Variants in DLG2 observed in about 807,000 individuals in gnomAD.
The protein encoded by DLG2 is discs large MAGUK scaffold protein 2, also known as disks large homolog 2.
Under a neutral mutation model 132.5 loss-of-function variants are expected in DLG2, and 45 were observed. The observed-to-expected ratio is 0.34, with a 90% CI of 0.27 to 0.44. DLG2 has a LOEUF of 0.44. DLG2 is among the 20% of genes least tolerant of loss of function. DLG2 has a pLI of 1.00. For synonymous variants in DLG2, 424 were observed against 419.6 expected, an observed-to-expected ratio of 1.01 and a Z score of -0.13; for missense variants, 1,045 against 1,196.9, an observed-to-expected ratio of 0.87 and a Z score of 1.87.
At chr11:84,090,023 T>C (rs2097061385) in intron 10 of DLG2, among the ~76,000 whole-genome samples, 1 of 152,206 alleles carries the variant, frequency 6.6e-6, no homozygotes, top group Non-Finnish European at 1.5e-5. Flanking sequence ...ATAATTCAAA[T>C]ACAAGTGAAG....
chr11:84,649,474 C>T (rs1940067), intron 6 of DLG2, among the ~76,000 whole-genome samples: 57,363 of 151,900 alleles, frequency 0.38, 12,195 homozygotes, highest in African/African-American at 0.57. Context: ...TGGAGAGAAA[C>T]TCATGAATTA....
chr11:85,210,362 C>G (rs950794442), intron 4 of DLG2, among the ~76,000 whole-genome samples: 13 of 152,094 alleles, frequency 8.5e-5, no homozygotes, highest in Non-Finnish European at 1.6e-4. Flanking sequence ...ACATCCTCTC[C>G]CTCAGAGCCT....
intron 3 of DLG2, among the ~76,000 whole-genome samples, chr11:85,509,131 G>C (rs973167223): frequency 6.6e-6 from 1 of 151,960 alleles, no homozygotes; most frequent in Admixed American, 6.6e-5. Flanking sequence ...ATTTCGCAGT[G>C]AGTTTTAGGA....
At chr11:84,617,770 C>G (rs988104061) in intron 6 of DLG2, among the ~76,000 whole-genome samples, 1 of 151,990 alleles carries the variant, frequency 6.6e-6, no homozygotes, top group African/African-American at 2.4e-5. Flanking sequence ...AATGGGTACA[C>G]TACGAAGAAG....
chr11:85,620,880 G>A (rs1274984760), intron 2 of DLG2, among the ~76,000 whole-genome samples: 5 of 152,244 alleles, frequency 3.3e-5, no homozygotes, highest in Non-Finnish European at 7.3e-5. Context: ...AGATCTAGCT[G>A]AGATAATTGA....
chr11:85,232,663 T>C (rs774293615), intron 4 of DLG2, among the ~76,000 whole-genome samples: 31 of 151,906 alleles, frequency 2.0e-4, no homozygotes, highest in Non-Finnish European at 4.0e-4. Flanking sequence ...TTCCTAATAC[T>C]CAAGGGATAA....
chr11:83,912,015 T>A (rs1026187851), intron 15 of DLG2, among the ~76,000 whole-genome samples: 7 of 151,594 alleles, frequency 4.6e-5, no homozygotes, highest in Non-Finnish European at 5.9e-5. Context: ...CAGCAACAAA[T>A]AAAACACAAG....
At chr11:84,255,514 C>A (rs2097453997) in intron 7 of DLG2, among the ~76,000 whole-genome samples, 1 of 151,868 alleles carries the variant, frequency 6.6e-6, no homozygotes, top group Admixed American at 6.6e-5. Context: ...AGTAGAGATG[C>A]AGTTTTGCCA....
At chr11:85,427,966 A>G (rs531089160) in intron 3 of DLG2, among the ~76,000 whole-genome samples, 22 of 152,066 alleles carry the variant, frequency 1.4e-4, no homozygotes, top group African/African-American at 4.8e-4. Context: ...AAAAAGGCAG[A>G]GGTTGCAATC....
At chr11:84,874,838 T>C (rs1251646802) in intron 6 of DLG2, among the ~76,000 whole-genome samples, 2 of 152,036 alleles carry the variant, frequency 1.3e-5, no homozygotes, top group African/African-American at 4.8e-5. Context: ...CTAGCCAATA[T>C]GGTGAAACCC....
Position 84,535,508 on chromosome 11 carries a change from A to G in DLG2, c.358-777T>C, listed in dbSNP as rs1431221985. Among the ~76,000 whole-genome samples, 4 of 152,286 alleles carry G rather than the reference A, an allele frequency of 2.6e-5. No individual in the cohort carries two copies. The East Asian group carries it at 5.8e-4, about 22-fold the overall frequency. On this transcript the variant is annotated intron_variant, in intron 6 of 27. Transcript: ENST00000376104. ...TTGCTTACACATGACTGTACCAGTA[A>G]AGATTATTGTTTGAGTCTTCCAAAC...
chr11:85,627,657 CT>C, upstream of DLG2: 1 of 152,338 alleles, frequency 6.6e-6, no homozygotes, highest in Non-Finnish European at 1.5e-5. Flanking sequence ...TCACATCCAC[CT>C]TTTCTCTCAA....
chr11:84,521,441 A>T (rs575723377), intron 7 of DLG2, among the ~76,000 whole-genome samples: 2 of 152,230 alleles, frequency 1.3e-5, no homozygotes, highest in Non-Finnish European at 1.5e-5. Flanking sequence ...GGAAAGTCTC[A>T]TAACAGCTGT....
At chr11:83,992,083 A>G (rs2093749376) in intron 11 of DLG2, among the ~76,000 whole-genome samples, 1 of 152,172 alleles carries the variant, frequency 6.6e-6, no homozygotes, top group African/African-American at 2.4e-5. Flanking sequence ...AAAGCTAGGG[A>G]AGAAGCGTGG....
chr11:85,498,590 T>A (rs562314516), intron 3 of DLG2, among the ~76,000 whole-genome samples: 13 of 152,262 alleles, frequency 8.5e-5, no homozygotes, highest in Non-Finnish European at 1.9e-4. Context: ...CTAATAGACT[T>A]CTACAGAACT....
intron 6 of DLG2, among the ~76,000 whole-genome samples, chr11:84,738,133 A>G (rs1462031333): frequency 6.6e-6 from 1 of 152,110 alleles, no homozygotes; most frequent in Non-Finnish European, 1.5e-5. Context: ...AGAAATAGGT[A>G]TCATCCATCC....
chr11:84,353,349 C>T lies in DLG2; in HGVS notation c.520-102058G>A, dbSNP rs78473749. On this transcript the variant is annotated intron_variant, in intron 7 of 27. Transcript: ENST00000376104. ...TCTTCCACCTAAACTTGGACTCTTC[C>T]TGCAGTGTTCCCTCCCTTGGTGAAT... Among the ~76,000 whole-genome samples the T allele has an allele frequency of 6.7e-3, 1,013 of 152,264 alleles. 10 individuals carry two copies. Among genetic ancestry groups the T allele is most frequent in the African/African-American group, 0.022 (927 of 41,564 alleles).
intron 3 of DLG2, among the ~76,000 whole-genome samples, chr11:85,372,560 G>A: frequency 6.6e-6 from 1 of 152,230 alleles, no homozygotes; most frequent in East Asian, 1.9e-4. Flanking sequence ...AGGTGAGCGT[G>A]GCTGATTACT....
rs756509850 is a variant in DLG2, at chr11:83,945,265, G to A, written c.1341-14782C>T. 1.0e-3 allele frequency among the ~76,000 whole-genome samples: 159 copies of A among 152,282 alleles called. 2 individuals are homozygous for A. Among genetic ancestry groups the A allele is most frequent in the Admixed American group, 7.2e-4 (11 of 15,296 alleles). ...CGCTACAGTCTGGGCAACAGAGGGA[G>A]ACTGTCTCAAAAATAAATAAATACA... On this transcript the variant is annotated intron_variant, in intron 14 of 27. Transcript: ENST00000376104.
Sources: gnomAD v4.1 joint callset for allele counts (sites outside exome capture counted in the v4.1 genomes callset) on GRCh38, gnomAD v4.1.1 for gene constraint, MANE v1.5 for transcripts, NCBI Gene and HGNC (gene_info 2026-07-23, HGNC 2026-07-21) for gene names.